Variants in ABCC9 observed in about 807,000 individuals in gnomAD.
ABCC9 encodes the protein ATP binding cassette subfamily C member 9.
Under a neutral mutation model 188.3 loss-of-function variants are expected in ABCC9, and 95 were observed. That is an observed-to-expected ratio of 0.50 (90% confidence interval 0.43 to 0.60). ABCC9 has a LOEUF of 0.60. Ranked by LOEUF, ABCC9 falls within the 20% of genes least tolerant of loss-of-function variation. ABCC9 has a pLI of 0.00. For synonymous variants in ABCC9, 659 were observed against 652.7 expected, an observed-to-expected ratio of 1.01 and a Z score of -0.15; for missense variants, 1,102 against 1,876.3, an observed-to-expected ratio of 0.59 and a Z score of 7.62.
chr12:21,920,602 CAATTA>C (rs1318861231), intron 5 of ABCC9, among the ~76,000 whole-genome samples: 2 of 151,758 alleles, frequency 1.3e-5, no homozygotes, highest in Non-Finnish European at 1.5e-5. Flanking sequence ...TTTAAATGTA[CAATTA>C]AATTATTATT....
chr12:21,891,123 T>A (rs1361755543), intron 14 of ABCC9, among the ~76,000 whole-genome samples: 2 of 152,126 alleles, frequency 1.3e-5, no homozygotes, highest in Non-Finnish European at 2.9e-5. Flanking sequence ...CCCTTCCTGG[T>A]CTGTCTAACT....
At chr12:21,917,974 T>G (rs1948667619) in intron 5 of ABCC9, among the ~76,000 whole-genome samples, 1 of 152,066 alleles carries the variant, frequency 6.6e-6, no homozygotes, top group African/African-American at 2.4e-5. Flanking sequence ...ATCATTGGCA[T>G]ATGAACTCAA....
chr12:21,936,802 T>C (rs1949508074), intron 2 of ABCC9, 108 bp from the exon 3 acceptor site: 6 of 777,800 alleles, frequency 7.7e-6, no homozygotes, highest in Non-Finnish European at 1.2e-5. Context: ...TAATCCCTTT[T>C]ACTTTGATAG....
intron 34 of ABCC9, among the ~76,000 whole-genome samples, chr12:21,815,317 T>G (rs1290185310): frequency 1.3e-5 from 2 of 151,750 alleles, no homozygotes; most frequent in Non-Finnish European, 2.9e-5. Context: ...TAGTATATTG[T>G]TGGACTAACA....
At chr12:21,830,952 CAATG>C (rs1382887182) in intron 30 of ABCC9, 1 of 149,264 alleles carries the variant, frequency 6.7e-6, no homozygotes, top group Non-Finnish European at 1.5e-5. Flanking sequence ...TTTACTGAAA[CAATG>C]AACATGAACC....
At chr12:21,826,651 T>C (rs1943397736) in intron 31 of ABCC9, among the ~76,000 whole-genome samples, 1 of 152,128 alleles carries the variant, frequency 6.6e-6, no homozygotes, top group African/African-American at 2.4e-5. Flanking sequence ...AATGGATCTC[T>C]GAGATTGTCT....
intron 18 of ABCC9, among the ~76,000 whole-genome samples, chr12:21,865,465 A>G (rs1202400278): frequency 6.6e-6 from 1 of 152,160 alleles, no homozygotes; most frequent in Non-Finnish European, 1.5e-5. Context: ...GATCATTTTT[A>G]TGAATAATAT....
In ABCC9 at chr12:21,824,054, A is replaced by G. The variant is rs566710510; in HGVS notation, c.3669+4904T>C. Reference sequence around the variant, plus strand: ...TCCATAGGGAAAACTATCTGTGTAGACAAAGAGGAAAAATCATGATTGTCT... The same window carrying G: ...TCCATAGGGAAAACTATCTGTGTAGGCAAAGAGGAAAAATCATGATTGTCT... On this transcript the variant is annotated intron_variant, in intron 31 of 39. Transcript: ENST00000261200. Among the ~76,000 whole-genome samples the G allele has an allele frequency of 7.9e-5, 12 of 152,354 alleles. No homozygotes were observed. The East Asian group carries it at 2.3e-3, about 29-fold the overall frequency.
rs745536995 is a variant in ABCC9 at position 21,910,868 on chromosome 12, A to G, written c.1122T>C (p.Tyr374=). Reference sequence around the variant, plus strand: ...GGTTAATGCCAGTCTCTATGGTTACATAGTAGGAAGCCTGCAAAAATGTCC... The same window carrying G: ...GGTTAATGCCAGTCTCTATGGTTACGTAGTAGGAAGCCTGCAAAAATGTCC... ...LQRTFLQASY[Y]VTIETGINLR... The change falls in exon 9 of 40, where the codon TAT becomes TAC. Residue 374 remains tyrosine (Y), a synonymous_variant. Coordinates refer to ENST00000261200, the MANE Select transcript of ABCC9 (RefSeq NM_020297.4). 9 of 1,612,600 alleles carry G rather than the reference A, an allele frequency of 5.6e-6. No individual in the cohort carries two copies. The highest frequency in any genetic ancestry group is 6.8e-6 in the Non-Finnish European group (8 of 1,178,850).
At chr12:21,907,937 AC>A in intron 11 of ABCC9, 139 bp downstream of exon 11, 1 of 1,003,806 alleles carries the variant, frequency 1.0e-6, no homozygotes, top group Non-Finnish European at 1.5e-6. Flanking sequence ...CATGGAAAAT[AC>A]ACATTTGCTG....
intron 27 of ABCC9, 82 bp downstream of exon 27, chr12:21,844,685 T>A: frequency 6.3e-7 from 1 of 1,593,566 alleles, no homozygotes; most frequent in Admixed American, 1.7e-5. Context: ...GAAATTCTTC[T>A]AACTTTCACA....
intron 31 of ABCC9, among the ~76,000 whole-genome samples, chr12:21,821,974 G>T (rs1271074865): frequency 6.6e-6 from 1 of 152,040 alleles, no homozygotes; most frequent in East Asian, 1.9e-4. Context: ...TATTAGGCCA[G>T]CAATCCAAAT....
At chr12:21,825,984 A>T (rs1314049338) in intron 31 of ABCC9, among the ~76,000 whole-genome samples, 1 of 152,132 alleles carries the variant, frequency 6.6e-6, no homozygotes, top group Non-Finnish European at 1.5e-5. Context: ...AAGCAATGAT[A>T]TCATGTTTTC....
intron 39 of ABCC9, among the ~76,000 whole-genome samples, chr12:21,801,440 T>A (rs1941425484): frequency 6.6e-6 from 1 of 152,222 alleles, no homozygotes; most frequent in Non-Finnish European, 1.5e-5. Flanking sequence ...GCGTCATCAT[T>A]TTCATGAAAC....
intron 5 of ABCC9, among the ~76,000 whole-genome samples, chr12:21,920,761 C>T (rs1948783914): frequency 6.6e-6 from 1 of 152,110 alleles, no homozygotes; most frequent in Middle Eastern, 3.4e-3. Context: ...TACTCTCTAT[C>T]TCCATGAGTT....
chr12:21,838,326 A>G (rs912120000), intron 29 of ABCC9, among the ~76,000 whole-genome samples, 156 bp from the exon 30 acceptor site: 1 of 152,222 alleles, frequency 6.6e-6, no homozygotes, highest in African/African-American at 2.4e-5. Context: ...TCAACAGCTT[A>G]CAATCTAAAG....
At chr12:21,932,588 C>A (rs572660580) in intron 4 of ABCC9, among the ~76,000 whole-genome samples, 2 of 151,986 alleles carry the variant, frequency 1.3e-5, no homozygotes, top group Admixed American at 1.3e-4. Flanking sequence ...AACAAACAAC[C>A]TCATAAAAAA....
intron 4 of ABCC9, among the ~76,000 whole-genome samples, chr12:21,930,349 C>T (rs1565495966): frequency 6.6e-6 from 1 of 152,052 alleles, no homozygotes; most frequent in East Asian, 1.9e-4. Context: ...AAAAGTGTAA[C>T]ACTGCCCAAG....
intron 14 of ABCC9, among the ~76,000 whole-genome samples, chr12:21,892,450 A>G (rs1947205172): frequency 1.3e-5 from 2 of 152,322 alleles, no homozygotes; most frequent in Admixed American, 1.3e-4. Context: ...AAGGACCAAA[A>G]TAGCAGACTC....
Sources: gnomAD v4.1 joint callset for allele counts (sites outside exome capture counted in the v4.1 genomes callset) on GRCh38, gnomAD v4.1.1 for gene constraint, MANE v1.5 for transcripts, NCBI Gene and HGNC (gene_info 2026-07-23, HGNC 2026-07-21) for gene names.